RARB: variants seen among roughly 807,000 people sequenced by gnomAD.
The protein encoded by RARB is HBV-activated protein.
In RARB, 17 loss-of-function variants were observed where a neutral mutation model predicts 51.9. The ratio of observed to expected loss-of-function variants is 0.33; its 90% CI spans 0.22 to 0.49. The LOEUF is 0.49. Among genes scored for constraint, RARB ranks in the 20% least tolerant of loss-of-function variants. The pLI is 0.99. For synonymous variants in RARB, 215 were observed against 195.4 expected, an observed-to-expected ratio of 1.10 and a Z score of -0.84; for missense variants, 369 against 550.8, an observed-to-expected ratio of 0.67 and a Z score of 3.30.
intron 5 of RARB, among the ~76,000 whole-genome samples, chr3:25,587,817 CAT>C (rs1290038326): frequency 1.7e-4 from 26 of 152,356 alleles, no homozygotes; most frequent in Admixed American, 5.9e-4. Flanking sequence ...GATCTGCCCA[CAT>C]GTTGCCAAAC....
At chr3:25,022,775 G>A (rs1343863310) in intron 2 of RARB, among the ~76,000 whole-genome samples, 1 of 152,160 alleles carries the variant, frequency 6.6e-6, no homozygotes, top group Non-Finnish European at 1.5e-5. Context: ...AGAGGGAATG[G>A]CATTGTGTAA....
intron 5 of RARB, among the ~76,000 whole-genome samples, chr3:25,314,514 G>T (rs890241589): frequency 2.0e-5 from 3 of 152,116 alleles, no homozygotes; most frequent in Admixed American, 1.3e-4. Context: ...TCTGTCATCA[G>T]TTTCTTGGGG....
intron 3 of RARB, among the ~76,000 whole-genome samples, chr3:25,095,447 A>G (rs1316544041): frequency 2.0e-5 from 3 of 152,174 alleles, no homozygotes; most frequent in Non-Finnish European, 2.9e-5. Context: ...AAGCCCAGCA[A>G]TCTGTGTTTT....
At chr3:25,236,617 T>C (rs534373103) in intron 5 of RARB, among the ~76,000 whole-genome samples, 1 of 152,274 alleles carries the variant, frequency 6.6e-6, no homozygotes, top group East Asian at 1.9e-4. Flanking sequence ...CTATGCACTT[T>C]AATGCATATA....
At chr3:24,930,462 C>T (rs1334793358) in intron 2 of RARB, among the ~76,000 whole-genome samples, 1 of 151,994 alleles carries the variant, frequency 6.6e-6, no homozygotes, top group Non-Finnish European at 1.5e-5. Context: ...GAGATAAAAC[C>T]AATGAAAGCC....
chr3:25,152,598 T>C (rs190650834), intron 4 of RARB, among the ~76,000 whole-genome samples: 2 of 152,278 alleles, frequency 1.3e-5, no homozygotes, highest in Admixed American at 1.3e-4. Flanking sequence ...TTATATATAA[T>C]ACACATTTAA....
Position 25,457,408 on chromosome 3 carries a change from C to T in RARB, c.158-3785C>T, listed in dbSNP as rs539447432. Among the ~76,000 whole-genome samples, 11 of 152,324 alleles carry T rather than the reference C, an allele frequency of 7.2e-5. No homozygotes were observed. The South Asian group carries it at 2.3e-3, about 32-fold the overall frequency. On this transcript the variant is annotated intron_variant, in intron 1 of 7. Transcript: ENST00000330688. ...CTATTGTACTCACATGAGAAAGTTC[C>T]TAGAATTATTGGTGAAATCACCACC...
intron 5 of RARB, among the ~76,000 whole-genome samples, chr3:25,309,129 ATTTTTTT>A (rs1171133293): frequency 4.8e-4 from 45 of 93,008 alleles, no homozygotes; most frequent in Middle Eastern, 0.012. Flanking sequence ...CTGTGCCTCC[ATTTTTTT>A]TTTTTTTTTT....
intron 2 of RARB, among the ~76,000 whole-genome samples, chr3:25,013,419 G>A (rs940534862): frequency 2.2e-4 from 33 of 152,078 alleles, no homozygotes; most frequent in African/African-American, 6.3e-4. Flanking sequence ...CTGTACTGTC[G>A]TCCTGATCTG....
intron 2 of RARB, among the ~76,000 whole-genome samples, chr3:25,491,967 T>C (rs1575455364): frequency 7.8e-6 from 1 of 127,868 alleles, no homozygotes; most frequent in Admixed American, 8.1e-5. Flanking sequence ...TATAAAATTA[T>C]TTTGAATTTT....
rs6780189 is a variant in RARB, at chr3:25,262,263, C to T, written c.178+87688C>T. 2.1e-3 allele frequency among the ~76,000 whole-genome samples: 315 copies of T among 152,266 alleles called. 1 individual carries two copies. Among genetic ancestry groups the T allele is most frequent in the African/African-American group, 7.0e-3 (289 of 41,560 alleles). On this transcript the variant is annotated intron_variant, in intron 5 of 11. Transcript: ENST00000383772. ...GCCCTCACTACACGTAATGACTATT[C>T]TCCCTCTAACGTTCAGCCATGATCC...
At chr3:25,394,362 T>A (rs1020776412) in intron 5 of RARB, among the ~76,000 whole-genome samples, 2 of 152,180 alleles carry the variant, frequency 1.3e-5, no homozygotes, top group African/African-American at 4.8e-5. Flanking sequence ...ATGAATAGAA[T>A]GTATATTCTG....
chr3:24,957,877 G>A (rs760232288), intron 2 of RARB, among the ~76,000 whole-genome samples: 7 of 152,002 alleles, frequency 4.6e-5, no homozygotes, highest in Non-Finnish European at 8.8e-5. Flanking sequence ...CCCATAATAC[G>A]GTATTTATAC....
chr3:24,842,890 T>A (rs1702436573), intron 1 of RARB, among the ~76,000 whole-genome samples: 1 of 152,252 alleles, frequency 6.6e-6, no homozygotes, highest in Admixed American at 6.5e-5. Flanking sequence ...CACATGTTCG[T>A]TCTCTGGAGA....
At chr3:25,166,144 A>C (rs1700556974) in intron 4 of RARB, among the ~76,000 whole-genome samples, 1 of 152,086 alleles carries the variant, frequency 6.6e-6, no homozygotes, top group African/African-American at 2.4e-5. Flanking sequence ...AATTAAAAGG[A>C]GGTAAGAAAT....
intron 3 of RARB, among the ~76,000 whole-genome samples, chr3:25,544,294 T>C (rs1185576731): frequency 6.6e-6 from 1 of 152,238 alleles, no homozygotes. Flanking sequence ...GATTTATGTA[T>C]TCTTCTTAGC....
intron 2 of RARB, among the ~76,000 whole-genome samples, chr3:25,021,285 G>A (rs1435168427): frequency 6.6e-6 from 1 of 152,142 alleles, no homozygotes; most frequent in African/African-American, 2.4e-5. Context: ...AGAAGTTTCT[G>A]TATTTATGTC....
At position 25,178,971 on chromosome 3, in the gene RARB, T is replaced by C. The variant is rs180871736; in HGVS notation, c.178+4396T>C. On this transcript the variant is annotated intron_variant, in intron 5 of 11. Transcript: ENST00000383772. ...CAAGCTGGAAAATATTGTTAAGTGT[T>C]TTGGCTTCAGAATCTCTCTCAAAAT... Among the ~76,000 whole-genome samples, 97 of 152,310 alleles carry C rather than the reference T, an allele frequency of 6.4e-4. 1 individual carries two copies. Among genetic ancestry groups the C allele is most frequent in the African/African-American group, 2.1e-3 (89 of 41,576 alleles).
chr3:25,195,441 C>A lies in RARB; in HGVS notation c.178+20866C>A, dbSNP rs117873008. Among the ~76,000 whole-genome samples the A allele has an allele frequency of 6.3e-3, 951 of 152,062 alleles. 18 individuals are homozygous for A. The highest frequency in any genetic ancestry group is 0.03 in the East Asian group (153 of 5,156). ...CATGCTAAAGTAATATTTCTTAAGA[C>A]GATTCAGACATTAAAAAATAGCACG... On this transcript the variant is annotated intron_variant, in intron 5 of 11. Coordinates refer to the RARB transcript ENST00000383772.
Sources: gnomAD v4.1 joint callset for allele counts (sites outside exome capture counted in the v4.1 genomes callset) on GRCh38, gnomAD v4.1.1 for gene constraint, MANE v1.5 for transcripts, NCBI Gene and HGNC (gene_info 2026-07-23, HGNC 2026-07-21) for gene names.